The following PEX3 variants were observed in gnomAD, a reference collection of about 807,000 sequenced individuals.
PEX3 encodes peroxisomal biogenesis factor 3, also known as peroxin-3.
In PEX3, 30 loss-of-function variants were observed where a neutral mutation model predicts 55.8. That is an observed-to-expected ratio of 0.54 (90% CI 0.40 to 0.73). PEX3 has a LOEUF of 0.73. PEX3 is among the 30% of genes least tolerant of loss of function. The pLI, the probability that PEX3 is intolerant of heterozygous loss-of-function variation, is 0.00. For synonymous variants in PEX3, 135 were observed against 148.4 expected (o/e 0.91, Z 0.66); for missense variants, 351 against 432.8 (o/e 0.81, Z 1.68).
chr6:143,474,059 G>A (rs1378364229), intron 8 of PEX3, among the ~76,000 whole-genome samples: 1 of 151,996 alleles, frequency 6.6e-6, no homozygotes, highest in South Asian at 2.1e-4. Context: ...TTGAGCCCAC[G>A]AGTTCGAGGT....
Position 143,485,453 on chromosome 6 carries a change from G to A in PEX3, c.1038+205G>A, listed in dbSNP as rs775350307. 3.9e-5 allele frequency among the ~76,000 whole-genome samples: 6 copies of A among 152,106 alleles called. No homozygotes were observed. The highest frequency in any genetic ancestry group is 2.1e-4 in the South Asian group (1 of 4,826). On this transcript the variant is annotated intron_variant, in intron 11 of 11. Coordinates refer to ENST00000367591, the MANE Select transcript of PEX3 (RefSeq NM_003630.3). The surrounding 1 kb of genome is among the most constrained non-coding windows in gnomAD (Gnocchi z 5.6). ...GTGTAAGTTTGGAGTACCTTTCTCC[G>A]TGTTGTAGTCCAACACTGTGGGACT...
Position 143,471,577 on chromosome 6 carries a change from G to A in PEX3, c.544G>A (p.Val182Ile), listed in dbSNP as rs763947386. ...AATAGGCCTGACAGAATTGATCACT[G>A]TCATTAAACAAGCTGTGCAGAAGGT... ...LGDGLTELIT[V>I]IKQAVQKVLG... The change falls in exon 7 of 12, where the codon GTC becomes ATC. Residue 182 changes from valine to isoleucine, a missense_variant. Physicochemically the swap from Val to Ile is conservative, Grantham distance 29. Transcript: ENST00000367591. The surrounding 1 kb of genome is among the most constrained non-coding windows in gnomAD (Gnocchi z 5.4). 43 of 1,612,622 alleles carry A rather than the reference G, an allele frequency of 2.7e-5. No individual in the cohort carries two copies. Among genetic ancestry groups the A allele is most frequent in the Non-Finnish European group, 3.6e-5 (43 of 1,179,032 alleles).
chr6:143,477,011 A>G (rs4895615), intron 9 of PEX3, among the ~76,000 whole-genome samples: 47,974 of 151,990 alleles, frequency 0.32, 8,645 homozygotes, highest in African/African-American at 0.49. Context: ...AATTGAAGAA[A>G]TGTTTCAAGG....
intron 1 of PEX3, among the ~76,000 whole-genome samples, chr6:143,455,504 C>T (rs1779834292): frequency 6.6e-6 from 1 of 151,588 alleles, no homozygotes; most frequent in East Asian, 1.9e-4. Flanking sequence ...CATGAGCCAC[C>T]GCGCCCTGCC....
chr6:143,471,281 C>T lies in PEX3; in HGVS notation c.457-102C>T, dbSNP rs1780069748. On this transcript the variant is annotated intron_variant, in intron 5 of 11. Transcript: ENST00000367591. The surrounding 1 kb of genome is among the most constrained non-coding windows in gnomAD (Gnocchi z 5.4). Reference sequence around the variant, plus strand: ...TGTTAAAAATTACTATTTTTCCCGTCATTTCAGATCTTGAAAAATCTCAGC... The same window carrying T: ...TGTTAAAAATTACTATTTTTCCCGTTATTTCAGATCTTGAAAAATCTCAGC... 1 of 1,105,676 alleles carries T rather than the reference C, an allele frequency of 9.0e-7. No individual in the cohort carries two copies. The highest frequency in any genetic ancestry group is 1.9e-5 in the Admixed American group (1 of 53,988). 68.5% of individuals were successfully genotyped at this position (1,105,676 alleles called of 1,614,324 possible).
chr6:143,470,191 G>C (rs564372882), intron 4 of PEX3, among the ~76,000 whole-genome samples: 1 of 152,052 alleles, frequency 6.6e-6, no homozygotes, highest in East Asian at 1.9e-4. Context: ...CTTGTGATCC[G>C]CCCGCCTCGG....
At chr6:143,474,458 CAAAAAAA>C (rs569947921) in intron 8 of PEX3, among the ~76,000 whole-genome samples, 1 of 66,064 alleles carries the variant, frequency 1.5e-5, no homozygotes, top group African/African-American at 5.3e-5. Flanking sequence ...GACTCCGTCT[CAAAAAAA>C]AAAAAAAAAA....
In PEX3 at chr6:143,489,774, T is replaced by G. The variant is rs898438221; in HGVS notation, c.*548T>G. 1 of 152,072 alleles carries G rather than the reference T, an allele frequency of 6.6e-6. No homozygotes were observed. The highest frequency in any genetic ancestry group is 6.5e-5 in the Admixed American group (1 of 15,270). The allele number at this position is 152,072 out of a possible 1,614,324, so 9.4% of individuals were successfully genotyped here. On this transcript the variant is annotated 3_prime_UTR_variant, in exon 12 of 12. Coordinates refer to ENST00000367591, the MANE Select transcript of PEX3 (RefSeq NM_003630.3). The surrounding 1 kb of genome is among the most constrained non-coding windows in gnomAD (Gnocchi z 5.5). Reference sequence around the variant, plus strand: ...GACTTTTTTATTCTTATGGAAATAGTGAATTCCAACAACTATGATGAACTA... The same window carrying G: ...GACTTTTTTATTCTTATGGAAATAGGGAATTCCAACAACTATGATGAACTA...
chr6:143,455,614 G>A (rs1188211635), intron 1 of PEX3, among the ~76,000 whole-genome samples: 1 of 152,074 alleles, frequency 6.6e-6, no homozygotes, highest in Non-Finnish European at 1.5e-5. Flanking sequence ...ATTAAGAAAT[G>A]ATGGCAAGAT....
In PEX3 at chr6:143,471,437, C is replaced by A. The variant is rs1562654658; in HGVS notation, c.511C>A (p.Leu171Ile). 6.2e-7 allele frequency: 1 copy of A among 1,601,404 alleles called. No homozygotes were observed. The highest frequency in any genetic ancestry group is 8.6e-7 in the Non-Finnish European group (1 of 1,168,972). The part of the protein sequence containing the change: ...QQQYLSSIQH[L>I]LGDGLTELIT... The stretch of plus-strand genomic sequence containing the variant: ...GCAGTATTTATCAAGTATTCAGCAC[C>A]TACTTGGAGATGGTAAGATTCTTAT... The change falls in exon 6 of 12, where the codon CTA becomes ATA. Residue 171 changes from leucine to isoleucine, a missense_variant. Coordinates refer to ENST00000367591, the MANE Select transcript of PEX3 (RefSeq NM_003630.3). The surrounding 1 kb of genome is among the most constrained non-coding windows in gnomAD (Gnocchi z 5.4).
chr6:143,473,294 T>C (rs1406657381), intron 8 of PEX3, among the ~76,000 whole-genome samples: 1 of 152,130 alleles, frequency 6.6e-6, no homozygotes, highest in Non-Finnish European at 1.5e-5. Context: ...ACTTGAAAGA[T>C]AGAGACTAAA....
chr6:143,489,547 A>T lies in PEX3; in HGVS notation c.*321A>T, dbSNP rs1030569248. On this transcript the variant is annotated 3_prime_UTR_variant, in exon 12 of 12. Transcript: ENST00000367591. The surrounding 1 kb of genome is among the most constrained non-coding windows in gnomAD (Gnocchi z 5.5). Reference sequence around the variant, plus strand: ...TTTTATATACATATATATATATAAAAATACAAAATTCAGTGTACTTTACCA... The same window carrying T: ...TTTTATATACATATATATATATAAATATACAAAATTCAGTGTACTTTACCA... 192 of 154,702 alleles carry T rather than the reference A, an allele frequency of 1.2e-3. No individual in the cohort carries two copies. Among genetic ancestry groups the T allele is most frequent in the Non-Finnish European group, 2.1e-3 (146 of 71,040 alleles). 9.6% of individuals were successfully genotyped at this position (154,702 alleles called of 1,614,324 possible).
Position 143,453,379 on chromosome 6 carries a change from G to A in PEX3, c.73+2264G>A, listed in dbSNP as rs1268167594. ...GGGAAGTAAGTAAGTAAAACCTTGA[G>A]TAGCAGGCCTTCTTAAGTAACAATT... is the stretch of plus-strand genomic sequence containing the variant. On this transcript the variant is annotated intron_variant, in intron 1 of 11. Transcript: ENST00000367591. The surrounding 1 kb of genome is among the most constrained non-coding windows in gnomAD (Gnocchi z 4.6). Among the ~76,000 whole-genome samples the A allele has an allele frequency of 6.6e-6, 1 of 152,222 alleles. No individual in the cohort carries two copies. Among genetic ancestry groups the A allele is most frequent in the Non-Finnish European group, 1.5e-5 (1 of 68,038 alleles).
rs1033486969 is a variant in PEX3, at chr6:143,488,741, T to G, written c.1039-402T>G. Among the ~76,000 whole-genome samples, 1 of 152,144 alleles carries G rather than the reference T, an allele frequency of 6.6e-6. No individual in the cohort carries two copies. Among genetic ancestry groups the G allele is most frequent in the South Asian group, 2.1e-4 (1 of 4,834 alleles). On this transcript the variant is annotated intron_variant, in intron 11 of 11. Coordinates refer to ENST00000367591, the MANE Select transcript of PEX3 (RefSeq NM_003630.3). This position sits in a 1 kb window ranked among gnomAD's most constrained non-coding sequence, Gnocchi z 4.9. ...GTGTATATGTAAAATATGCACTTAC[T>G]ACACATATTCATACCGTATGTTAGA...
In PEX3 at chr6:143,462,528, A is replaced by T. The variant is rs1296267625; in HGVS notation, c.206-388A>T. Among the ~76,000 whole-genome samples the T allele has an allele frequency of 6.6e-6, 1 of 152,302 alleles. No homozygotes were observed. The highest frequency in any genetic ancestry group is 2.1e-4 in the South Asian group (1 of 4,828). Reference sequence around the variant, plus strand: ...GCTGAATATAAAAATGCTTTTGATCATTGTCATTAAATCAGAAGTAAACAC... The same window carrying T: ...GCTGAATATAAAAATGCTTTTGATCTTTGTCATTAAATCAGAAGTAAACAC... On this transcript the variant is annotated intron_variant, in intron 2 of 11. Coordinates refer to ENST00000367591, the MANE Select transcript of PEX3 (RefSeq NM_003630.3). This position sits in a 1 kb window ranked among gnomAD's most constrained non-coding sequence, Gnocchi z 4.1.
intron 1 of PEX3, among the ~76,000 whole-genome samples, chr6:143,455,685 T>C (rs998620927): frequency 6.6e-6 from 1 of 152,162 alleles, no homozygotes; most frequent in Non-Finnish European, 1.5e-5. Flanking sequence ...TCACTTTGCA[T>C]ATATAAGATA....
rs1779997070 is a variant in PEX3 at position 143,466,702 on chromosome 6, T to A, written c.288-1420T>A. On this transcript the variant is annotated intron_variant, in intron 3 of 11. Transcript: ENST00000367591. This position sits in a 1 kb window ranked among gnomAD's most constrained non-coding sequence, Gnocchi z 5.4. The stretch of plus-strand genomic sequence containing the variant: ...TATGGAATGATTTCCACAAGATATA[T>A]TGCTATATTTTTAAAAAGGTAAAGA... Among the ~76,000 whole-genome samples the A allele has an allele frequency of 6.6e-6, 1 of 152,018 alleles. No homozygotes were observed. The highest frequency in any genetic ancestry group is 6.6e-5 in the Admixed American group (1 of 15,252).
Position 143,474,679 on chromosome 6 carries a change from A to G in PEX3, c.748-107A>G. The stretch of plus-strand genomic sequence containing the variant: ...GTCTAACTTTTTTTATTGTTGATAG[A>G]ACATAGACTTAGATTTCCTAAACTC... On this transcript the variant is annotated intron_variant, in intron 8 of 11. Transcript: ENST00000367591. 4 of 755,740 alleles carry G rather than the reference A, an allele frequency of 5.3e-6. No homozygotes were observed. The South Asian group carries it at 5.7e-5, about 11-fold the overall frequency. 46.8% of individuals were successfully genotyped at this position (755,740 alleles called of 1,614,324 possible). A position where few individuals can be genotyped will look rare whatever the true frequency, so the allele number is the denominator to read the frequency against.
At position 143,472,232 on chromosome 6, in the gene PEX3, G is replaced by A; in HGVS notation, c.651G>A (p.Glu217=). ...QKLKEIRNLV[E]QHKSSSWINK... ...TAAAAGAAATCAGAAATCTCGTTGA[G>A]CAGCATAAGTCTTCTTCTTGGATTA... The change falls in exon 8 of 12, where the codon GAG becomes GAA. Residue 217 remains glutamate, a synonymous_variant. Transcript: ENST00000367591. The A allele has an allele frequency of 6.2e-7, 1 of 1,607,350 alleles. No individual in the cohort carries two copies. The highest frequency in any genetic ancestry group is 8.5e-7 in the Non-Finnish European group (1 of 1,174,154).
Sources: gnomAD v4.1 joint callset for allele counts (sites outside exome capture counted in the v4.1 genomes callset) on GRCh38, gnomAD v4.1.1 for gene constraint, Gnocchi (gnomAD v3.1) non-coding constraint, MANE v1.5 for transcripts, NCBI Gene and HGNC (gene_info 2026-07-23, HGNC 2026-07-21) for gene names.